CACNB2: variants seen among roughly 807,000 people sequenced by gnomAD.
The protein encoded by CACNB2 is calcium voltage-gated channel auxiliary subunit beta 2, also known as voltage-dependent L-type calcium channel subunit beta-2.
In CACNB2, 42 loss-of-function variants were observed where a neutral mutation model predicts 73.3. The observed-to-expected ratio is 0.57, with a 90% CI of 0.45 to 0.74. The LOEUF (loss-of-function observed/expected upper bound fraction) is 0.74. Ranked by LOEUF, CACNB2 falls within the 30% of genes least tolerant of loss-of-function variation. The pLI, the probability that CACNB2 is intolerant of heterozygous loss-of-function variation, is 0.00. For synonymous variants in CACNB2, 348 were observed against 310.3 expected, an observed-to-expected ratio of 1.12 and a Z score of -1.28; for missense variants, 940 against 853.0, an observed-to-expected ratio of 1.10 and a Z score of -1.27.
chr10:18,342,015 C>G (rs779884837), intron 2 of CACNB2, among the ~76,000 whole-genome samples: 11 of 152,070 alleles, frequency 7.2e-5, no homozygotes, highest in South Asian at 4.1e-4. Flanking sequence ...CACTAATTAT[C>G]AACGGTTTCT....
At chr10:18,286,296 C>T (rs1414164721) in intron 2 of CACNB2, among the ~76,000 whole-genome samples, 1 of 152,026 alleles carries the variant, frequency 6.6e-6, no homozygotes, top group African/African-American at 2.4e-5. Flanking sequence ...GCGGGCGGAT[C>T]ACGAGGTCAG....
intron 2 of CACNB2, among the ~76,000 whole-genome samples, chr10:18,159,845 A>G (rs965575264): frequency 6.6e-6 from 1 of 152,202 alleles, no homozygotes; most frequent in African/African-American, 2.4e-5. Flanking sequence ...CGTCACAAAC[A>G]CACTATAAAT....
intron 2 of CACNB2, chr10:18,238,599 G>C (rs2036535499): frequency 1.3e-5 from 2 of 152,134 alleles, no homozygotes; most frequent in Non-Finnish European, 1.5e-5. Flanking sequence ...TAAATCTTTT[G>C]AGCTTCTAAG....
intron 2 of CACNB2, among the ~76,000 whole-genome samples, chr10:18,305,254 T>C (rs1045247637): frequency 5.3e-5 from 8 of 152,216 alleles, no homozygotes; most frequent in African/African-American, 1.9e-4. Flanking sequence ...AAGCTTACAT[T>C]ATCTATTGTT....
chr10:18,262,035 C>T (rs1170523079), intron 2 of CACNB2: 2 of 518,612 alleles, frequency 3.9e-6, no homozygotes, highest in Non-Finnish European at 7.7e-6. Context: ...CTTTTGCGAG[C>T]AGCTACTCTA....
chr10:18,418,040 G>A (rs1180340856), intron 3 of CACNB2, among the ~76,000 whole-genome samples: 2 of 152,158 alleles, frequency 1.3e-5, no homozygotes, highest in Non-Finnish European at 2.9e-5. Flanking sequence ...GACTGCTGTA[G>A]TGCAGGAGTG....
chr10:18,395,440 G>A (rs1049174611), intron 2 of CACNB2, among the ~76,000 whole-genome samples: 1 of 151,242 alleles, frequency 6.6e-6, no homozygotes, highest in African/African-American at 2.4e-5. Context: ...TTTTTCTGGT[G>A]CCTTTTAAAA....
chr10:18,441,238 T>A (rs376014287), intron 3 of CACNB2, among the ~76,000 whole-genome samples: 1 of 152,060 alleles, frequency 6.6e-6, no homozygotes, highest in East Asian at 1.9e-4. Context: ...ACCCCGTCTC[T>A]ACTAAAAATA....
chr10:18,440,722 T>C (rs1446614115), intron 3 of CACNB2, among the ~76,000 whole-genome samples: 1 of 152,034 alleles, frequency 6.6e-6, no homozygotes, highest in African/African-American at 2.4e-5. Context: ...ATGTGGATAT[T>C]TGAGGATAGA....
chr10:18,494,063 G>A (rs748319491), intron 3 of CACNB2, among the ~76,000 whole-genome samples: 1 of 152,170 alleles, frequency 6.6e-6, no homozygotes, highest in Non-Finnish European at 1.5e-5. Context: ...GGCAAGAAAG[G>A]AGGCACGTTC....
In CACNB2 at chr10:18,235,875, T is replaced by G. The variant is rs537789194; in HGVS notation, c.213+84900T>G. On this transcript the variant is annotated intron_variant, in intron 2 of 13. Transcript: ENST00000324631. Reference sequence around the variant, plus strand: ...GAGGAGGGGGCTGGTGGGATGGGATTAGATCGTAGGGGCAGATTTCCCCCT... The same window carrying G: ...GAGGAGGGGGCTGGTGGGATGGGATGAGATCGTAGGGGCAGATTTCCCCCT... 3.3e-5 allele frequency among the ~76,000 whole-genome samples: 5 copies of G among 152,264 alleles called. No homozygotes were observed. The South Asian group carries it at 1.0e-3, about 32-fold the overall frequency.
chr10:18,261,440 A>G (rs1255124171), intron 2 of CACNB2: 3 of 1,294,750 alleles, frequency 2.3e-6, no homozygotes, highest in African/African-American at 2.9e-5. Flanking sequence ...ACAGTCGATC[A>G]TTTCGTACCA....
rs1360499689 is a variant in CACNB2, at chr10:18,401,912, T to C, written c.214-12T>C. The C allele has an allele frequency of 6.2e-7, 1 of 1,613,764 alleles. No homozygotes were observed. Among genetic ancestry groups the C allele is most frequent in the South Asian group, 1.1e-5 (1 of 91,064 alleles). ...ACTGAATCTACTTTAAAATGTACATTTTCCTCTCCAGGGTTCGGCAGACTC... is the reference window on the plus strand; with the variant it reads ...ACTGAATCTACTTTAAAATGTACATCTTCCTCTCCAGGGTTCGGCAGACTC... On this transcript the variant is annotated splice_polypyrimidine_tract_variant and intron_variant, in intron 2 of 13. Coordinates refer to ENST00000324631, the MANE Select transcript of CACNB2 (RefSeq NM_201596.3).
At chr10:18,282,832 A>G (rs982855198) in intron 2 of CACNB2, among the ~76,000 whole-genome samples, 3 of 152,224 alleles carry the variant, frequency 2.0e-5, no homozygotes, top group Non-Finnish European at 2.9e-5. Context: ...ATGGGATCTA[A>G]TTAAAGAGCT....
intron 7 of CACNB2, among the ~76,000 whole-genome samples, chr10:18,515,337 C>T (rs2051170842): frequency 6.6e-6 from 1 of 152,122 alleles, no homozygotes; most frequent in East Asian, 1.9e-4. Context: ...TTTTTTTCCC[C>T]TCTTTTACCC....
intron 2 of CACNB2, among the ~76,000 whole-genome samples, chr10:18,273,057 C>G (rs1292516232): frequency 6.6e-6 from 1 of 152,146 alleles, no homozygotes; most frequent in Non-Finnish European, 1.5e-5. Flanking sequence ...TTGAGGGCTA[C>G]TGGCCAACAG....
chr10:18,341,033 G>C, intron 2 of CACNB2: 2 of 1,542,672 alleles, frequency 1.3e-6, no homozygotes, highest in Non-Finnish European at 1.8e-6. Flanking sequence ...AAGAAAACAG[G>C]AATGCATAGA....
intron 3 of CACNB2, among the ~76,000 whole-genome samples, chr10:18,450,545 T>C (rs1272101000): frequency 6.6e-6 from 1 of 151,972 alleles, no homozygotes; most frequent in Non-Finnish European, 1.5e-5. Flanking sequence ...CACTGCTTCT[T>C]CAGAAAAGCA....
At chr10:18,499,632 A>AAAAAAAAGAACC (rs2050069478) in intron 4 of CACNB2, among the ~76,000 whole-genome samples, 1 of 147,190 alleles carries the variant, frequency 6.8e-6, no homozygotes, top group South Asian at 2.2e-4. Context: ...AAAAAAAAAA[A>AAAAAAAAGAACC]AAAAAAAGAA....
Sources: gnomAD v4.1 joint callset for allele counts (sites outside exome capture counted in the v4.1 genomes callset) on GRCh38, gnomAD v4.1.1 for gene constraint, MANE v1.5 for transcripts, NCBI Gene and HGNC (gene_info 2026-07-23, HGNC 2026-07-21) for gene names.